Variants in CGNL1 observed in about 807,000 individuals in gnomAD.
The protein encoded by CGNL1 is cingulin like 1.
A neutral mutation model predicts 141.2 loss-of-function variants in CGNL1; 132 were observed. The ratio of observed to expected loss-of-function variants is 0.93; its 90% CI spans 0.81 to 1.08. The LOEUF is 1.08. Among genes scored for constraint, CGNL1 ranks in the 50% least tolerant of loss-of-function variants. The probability of loss-of-function intolerance (pLI) is 0.00; values close to 1 mark genes in which losing one functional copy is unlikely to be tolerated. For missense variants in CGNL1, 1,870 were observed against 1,588.6 expected (o/e 1.18, Z -3.01); for synonymous variants, 690 against 622.1 (o/e 1.11, Z -1.63).
chr15:57,481,938 T>C (rs997494224), intron 8 of CGNL1, among the ~76,000 whole-genome samples: 2 of 152,204 alleles, frequency 1.3e-5, no homozygotes, highest in Non-Finnish European at 1.5e-5. Context: ...ATTGTCAATA[T>C]GTTGTATTTT....
chr15:57,519,975 C>T (rs2031135693), intron 10 of CGNL1, among the ~76,000 whole-genome samples: 1 of 152,168 alleles, frequency 6.6e-6, no homozygotes, highest in Non-Finnish European at 1.5e-5. Flanking sequence ...GGCCTTGGGG[C>T]CTGAAGATCT....
chr15:57,400,858 A>G (rs1035476490), intron 1 of CGNL1, among the ~76,000 whole-genome samples: 3 of 142,718 alleles, frequency 2.1e-5, no homozygotes, highest in East Asian at 2.2e-4. Context: ...ACTCCAGCCT[A>G]GGCGACAGAA....
At chr15:57,528,453 G>A (rs2031751232) in intron 12 of CGNL1, among the ~76,000 whole-genome samples, 1 of 152,086 alleles carries the variant, frequency 6.6e-6, no homozygotes, top group Non-Finnish European at 1.5e-5. Context: ...GTTGCTGCCT[G>A]TAGCTGGAAA....
intron 8 of CGNL1, among the ~76,000 whole-genome samples, chr15:57,489,138 T>G (rs1022794791): frequency 6.6e-6 from 1 of 152,256 alleles, no homozygotes; most frequent in African/African-American, 2.4e-5. Flanking sequence ...ATAATAGAAT[T>G]AAACATGAAT....
chr15:57,391,245 G>T (rs2062539249), intron 1 of CGNL1, among the ~76,000 whole-genome samples: 2 of 152,184 alleles, frequency 1.3e-5, no homozygotes, highest in South Asian at 4.1e-4. Flanking sequence ...CTGGCCCTGT[G>T]ATGACAGAGT....
At chr15:57,501,977 C>T (rs1423478865) in intron 8 of CGNL1, among the ~76,000 whole-genome samples, 1 of 152,148 alleles carries the variant, frequency 6.6e-6, no homozygotes, top group Non-Finnish European at 1.5e-5. Context: ...TATCTCTAGC[C>T]TCTGTGTGGG....
chr15:57,398,189 A>T (rs1390490682), intron 1 of CGNL1, among the ~76,000 whole-genome samples: 6 of 152,262 alleles, frequency 3.9e-5, no homozygotes, highest in Non-Finnish European at 1.5e-5. Flanking sequence ...ATGAAAATTA[A>T]AAACTTTTCA....
chr15:57,513,492 AT>A (rs1477693380), intron 8 of CGNL1, among the ~76,000 whole-genome samples: 3 of 152,086 alleles, frequency 2.0e-5, no homozygotes, highest in Non-Finnish European at 2.9e-5. Context: ...TGCTATAAAC[AT>A]TCATGTACAA....
chr15:57,496,136 T>C (rs186827799), intron 8 of CGNL1, among the ~76,000 whole-genome samples: 1 of 152,244 alleles, frequency 6.6e-6, no homozygotes, highest in Non-Finnish European at 1.5e-5. Context: ...TAGACAGGCT[T>C]ACCAAGGCGA....
intron 1 of CGNL1, among the ~76,000 whole-genome samples, chr15:57,392,435 C>G (rs796460460): frequency 2.0e-5 from 3 of 152,240 alleles, no homozygotes; most frequent in African/African-American, 7.2e-5. Context: ...GAGACAAAAA[C>G]TCATTTGAAG....
intron 8 of CGNL1, among the ~76,000 whole-genome samples, chr15:57,481,302 C>T (rs1054732285): frequency 1.3e-5 from 2 of 152,102 alleles, no homozygotes; most frequent in South Asian, 2.1e-4. Flanking sequence ...CATCACTCCC[C>T]GCATTCTTCA....
chr15:57,455,853 T>G (rs546736958), intron 7 of CGNL1, among the ~76,000 whole-genome samples: 2 of 152,178 alleles, frequency 1.3e-5, no homozygotes, highest in Non-Finnish European at 2.9e-5. Flanking sequence ...CAGAGGCTGA[T>G]AATGCGAGAT....
At chr15:57,472,174 T>C (rs533441154) in intron 8 of CGNL1, among the ~76,000 whole-genome samples, 2 of 152,142 alleles carry the variant, frequency 1.3e-5, no homozygotes, top group East Asian at 1.9e-4. Flanking sequence ...ATGATGGAAA[T>C]CTGAAGGATG....
chr15:57,426,723 T>G (rs759774657), intron 1 of CGNL1, among the ~76,000 whole-genome samples: 3 of 151,038 alleles, frequency 2.0e-5, no homozygotes, highest in Non-Finnish European at 4.4e-5. Context: ...CCTCCCAAAG[T>G]GTTGGGATTA....
intron 1 of CGNL1, among the ~76,000 whole-genome samples, chr15:57,417,505 AT>A (rs1474732296): frequency 6.6e-6 from 1 of 151,832 alleles, no homozygotes; most frequent in Non-Finnish European, 1.5e-5. Context: ...AAATGCTGGG[AT>A]TTTAGGCATG....
chr15:57,540,878 C>T (rs1472663441), intron 14 of CGNL1, among the ~76,000 whole-genome samples: 1 of 152,242 alleles, frequency 6.6e-6, no homozygotes, highest in East Asian at 1.9e-4. Context: ...TTGCCCAGCA[C>T]ACAAGCGTGT....
intron 1 of CGNL1, among the ~76,000 whole-genome samples, chr15:57,428,659 C>T (rs994918329): frequency 3.3e-5 from 5 of 151,930 alleles, no homozygotes; most frequent in Non-Finnish European, 2.9e-5. Flanking sequence ...GAAGAAAGAA[C>T]AGGATTTTCA....
chr15:57,497,923 T>C (rs1394492172), intron 8 of CGNL1, among the ~76,000 whole-genome samples: 1 of 152,086 alleles, frequency 6.6e-6, no homozygotes, highest in Non-Finnish European at 1.5e-5. Flanking sequence ...CTGAGAAGAG[T>C]GTGAAAGACA....
intron 1 of CGNL1, among the ~76,000 whole-genome samples, chr15:57,385,138 A>G (rs1453612859): frequency 6.6e-6 from 1 of 152,224 alleles, no homozygotes; most frequent in Admixed American, 6.5e-5. Context: ...CAGGGTCTGC[A>G]GAATATATTT....
Sources: allele counts gnomAD v4.1 joint callset (sites outside exome capture counted in the v4.1 genomes callset), GRCh38; gene constraint gnomAD v4.1.1; transcripts MANE v1.5; gene names NCBI Gene and HGNC (gene_info 2026-07-23, HGNC 2026-07-21).